The following EYS variants were observed in gnomAD, a reference collection of about 807,000 sequenced individuals.
EYS encodes the protein EGF-like photoreceptor maintenance factor, also known as protein eyes shut homolog.
EYS carries 250 observed loss-of-function variants against 282.1 expected under a neutral mutation model. The observed-to-expected ratio is 0.89, with a 90% CI of 0.80 to 0.98. The LOEUF (loss-of-function observed/expected upper bound fraction) is 0.98. Among genes scored for constraint, EYS ranks in the 50% least tolerant of loss-of-function variants. EYS has a pLI of 0.00. For synonymous variants in EYS, 1,355 were observed against 1,282.9 expected (o/e 1.06, Z -1.20); for missense variants, 4,016 against 3,709.0 (o/e 1.08, Z -2.15).
intron 36 of EYS, among the ~76,000 whole-genome samples, chr6:63,822,906 ATTTTATTCCAGT>A (rs1474069005): frequency 6.6e-6 from 1 of 152,152 alleles, no homozygotes; most frequent in Non-Finnish European, 1.5e-5. Flanking sequence ...AAATTTTAGT[ATTTTATTCCAGT>A]TTTTAGTTTC....
intron 14 of EYS, 73 bp from the exon 15 acceptor site, chr6:64,945,987 G>A (rs1239966663): frequency 8.5e-7 from 1 of 1,171,918 alleles, no homozygotes; most frequent in South Asian, 2.2e-5. Flanking sequence ...TATTACTCCT[G>A]GCCATTTTGA....
chr6:64,265,217 G>A (rs1582507113), intron 30 of EYS, among the ~76,000 whole-genome samples: 1 of 152,058 alleles, frequency 6.6e-6, no homozygotes. Context: ...CACAAAAAAT[G>A]CCAATATGCA....
chr6:64,577,447 T>C (rs908433631), intron 26 of EYS, among the ~76,000 whole-genome samples: 1 of 152,008 alleles, frequency 6.6e-6, no homozygotes, highest in Admixed American at 6.6e-5. Flanking sequence ...TATTTAAGTC[T>C]TTCCACTCCA....
chr6:64,606,737 C>T (rs1207887879), intron 24 of EYS, among the ~76,000 whole-genome samples: 1 of 151,974 alleles, frequency 6.6e-6, no homozygotes, highest in Non-Finnish European at 1.5e-5. Flanking sequence ...GTCTTTGAAG[C>T]TAGTCTTCAA....
intron 29 of EYS, among the ~76,000 whole-genome samples, chr6:64,367,925 C>G (rs558984509): frequency 6.6e-6 from 1 of 152,060 alleles, no homozygotes; most frequent in African/African-American, 2.4e-5. Context: ...ACACAAGGAG[C>G]CTGACATCTT....
At chr6:64,950,291 C>T (rs560629431) in intron 14 of EYS, among the ~76,000 whole-genome samples, 1 of 151,888 alleles carries the variant, frequency 6.6e-6, no homozygotes, top group African/African-American at 2.4e-5. Flanking sequence ...AAAATTACTC[C>T]CAAGTCTTTA....
intron 30 of EYS, among the ~76,000 whole-genome samples, chr6:64,265,603 A>G (rs1767731829): frequency 1.3e-5 from 2 of 152,152 alleles, no homozygotes; most frequent in South Asian, 4.1e-4. Context: ...GAGAATAGAA[A>G]AGTAAAATTG....
chr6:65,270,260 A>C (rs1044082095), intron 12 of EYS, among the ~76,000 whole-genome samples: 4 of 152,184 alleles, frequency 2.6e-5, no homozygotes, highest in African/African-American at 9.7e-5. Flanking sequence ...CTAGCAAGGA[A>C]ACTCCAGGTG....
chr6:65,628,458 C>A lies in EYS; in HGVS notation c.-333+11320G>T, dbSNP rs546105521. 3.3e-5 allele frequency among the ~76,000 whole-genome samples: 5 copies of A among 152,306 alleles called. No homozygotes were observed. The South Asian group carries it at 8.3e-4, about 25-fold the overall frequency. ...GGCTGCCCAAGCCAGCAATGGCAAC[C>A]CCCTGGGGTCCCCTTCCACAGTGTG... On this transcript the variant is annotated intron_variant, in intron 2 of 42. Transcript: ENST00000503581.
intron 26 of EYS, among the ~76,000 whole-genome samples, chr6:64,530,869 C>A (rs1764306709): frequency 6.6e-6 from 1 of 151,984 alleles, no homozygotes; most frequent in African/African-American, 2.4e-5. Flanking sequence ...GTGAGTACAT[C>A]CTTTCCAGAT....
chr6:65,449,852 T>C (rs1416262473), intron 5 of EYS, among the ~76,000 whole-genome samples: 1 of 152,072 alleles, frequency 6.6e-6, no homozygotes, highest in Non-Finnish European at 1.5e-5. Flanking sequence ...CTCAACTTTT[T>C]ATCTTCCTGG....
At chr6:64,314,334 C>G (rs181785287) in intron 29 of EYS, among the ~76,000 whole-genome samples, 1 of 151,214 alleles carries the variant, frequency 6.6e-6, no homozygotes, top group Non-Finnish European at 1.5e-5. Context: ...GAAGAGCTAA[C>G]TATCCTAAAT....
chr6:65,579,001 G>A (rs1451373031), intron 2 of EYS, among the ~76,000 whole-genome samples: 1 of 152,086 alleles, frequency 6.6e-6, no homozygotes, highest in Non-Finnish European at 1.5e-5. Flanking sequence ...AGCTGTGTAA[G>A]AATAAATCCA....
intron 8 of EYS, among the ~76,000 whole-genome samples, chr6:65,363,615 T>A (rs1295839598): frequency 6.6e-6 from 1 of 151,920 alleles, no homozygotes; most frequent in Non-Finnish European, 1.5e-5. Context: ...GACTTTAATA[T>A]TCTTTTTAAT....
rs141503474 is a variant in EYS at position 65,399,542 on chromosome 6, A to G, written c.1184+2936T>C. Among the ~76,000 whole-genome samples, 623 of 152,160 alleles carry G rather than the reference A, an allele frequency of 4.1e-3. 5 individuals carry two copies. Among genetic ancestry groups the G allele is most frequent in the African/African-American group, 0.014 (590 of 41,552 alleles). On this transcript the variant is annotated intron_variant, in intron 7 of 42. Coordinates refer to ENST00000503581, the MANE Select transcript of EYS (RefSeq NM_001142800.2). Reference sequence around the variant, plus strand: ...TAGAATTTCTTAGTAATTCAAAATCATTTTCATAGTCAGCAATATTACAGA... The same window carrying G: ...TAGAATTTCTTAGTAATTCAAAATCGTTTTCATAGTCAGCAATATTACAGA...
intron 35 of EYS, among the ~76,000 whole-genome samples, chr6:63,894,160 T>C (rs978725049): frequency 6.6e-6 from 1 of 152,180 alleles, no homozygotes; most frequent in Non-Finnish European, 1.5e-5. Context: ...CAGGGTGCAT[T>C]TGGAGTCTAG....
chr6:64,769,682 T>C (rs1414440690), intron 22 of EYS, among the ~76,000 whole-genome samples: 1 of 151,948 alleles, frequency 6.6e-6, no homozygotes, highest in African/African-American at 2.4e-5. Flanking sequence ...CTAAAAAATG[T>C]ATCCAGCTTG....
At chr6:64,482,788 T>A (rs546804875) in intron 26 of EYS, among the ~76,000 whole-genome samples, 1 of 151,758 alleles carries the variant, frequency 6.6e-6, no homozygotes, top group Non-Finnish European at 1.5e-5. Flanking sequence ...ACAAAAAGTG[T>A]TGCAAACAGT....
At chr6:64,419,179 T>C (rs1774150205) in intron 28 of EYS, among the ~76,000 whole-genome samples, 2 of 152,198 alleles carry the variant, frequency 1.3e-5, no homozygotes, top group African/African-American at 4.8e-5. Flanking sequence ...AATAAAGAGA[T>C]ACCCAAGACT....
Sources: gnomAD v4.1 joint callset for allele counts (sites outside exome capture counted in the v4.1 genomes callset) on GRCh38, gnomAD v4.1.1 for gene constraint, MANE v1.5 for transcripts, NCBI Gene and HGNC (gene_info 2026-07-23, HGNC 2026-07-21) for gene names.